CHD4: variants seen among roughly 807,000 people sequenced by gnomAD.
CHD4 encodes ATP-dependent chromatin remodeler CHD4.
A neutral mutation model predicts 235.5 loss-of-function variants in CHD4; 35 were observed. That is an observed-to-expected ratio of 0.15 (90% confidence interval 0.11 to 0.20). The LOEUF is 0.20. Among genes scored for constraint, CHD4 ranks in the 10% least tolerant of loss-of-function variants. CHD4 has a pLI of 1.00. For synonymous variants in CHD4, 900 were observed against 850.2 expected (o/e 1.06, Z -1.02); for missense variants, 1,329 against 2,432.3 (o/e 0.55, Z 9.54).
intron 6 of CHD4, 46 bp from the exon 7 acceptor site, chr12:6,601,099 G>C: frequency 1.3e-6 from 2 of 1,526,518 alleles, no homozygotes; most frequent in South Asian, 1.3e-5. Context: ...ACCAAAGATG[G>C]GGAAAATAAA....
chr12:6,599,459 A>G (rs1365078820), intron 10 of CHD4, among the ~76,000 whole-genome samples: 1 of 152,130 alleles, frequency 6.6e-6, no homozygotes, highest in Non-Finnish European at 1.5e-5. Context: ...AAATTTTTTT[A>G]ACAAAAAAAT....
At chr12:6,594,319 CAT>C in intron 15 of CHD4, 138 bp downstream of exon 15, 1 of 673,762 alleles carries the variant, frequency 1.5e-6, no homozygotes, top group South Asian at 2.0e-5. Flanking sequence ...CACATGTGTA[CAT>C]GTGTTTATCT....
At chr12:6,600,863 A>G in intron 7 of CHD4, 63 bp downstream of exon 7, 1 of 1,528,026 alleles carries the variant, frequency 6.5e-7, no homozygotes, top group Non-Finnish European at 8.8e-7. Context: ...AGGTTCTGAT[A>G]GAAGGTCACA....
rs756524248 is a variant in CHD4, at chr12:6,588,288, C to G, written c.3465+10G>C. On this transcript the variant is annotated intron_variant, in intron 23 of 39. Coordinates refer to ENST00000544040, the MANE Select transcript of CHD4 (RefSeq NM_001273.5). ...GTTACTTATTAAGGCTGCCTGCTGC[C>G]TCTGCTCACCTGAATGTCATTATGG... The G allele has an allele frequency of 6.2e-7, 1 of 1,612,824 alleles. No individual in the cohort carries two copies. The highest frequency in any genetic ancestry group is 1.1e-5 in the South Asian group (1 of 91,038).
intron 17 of CHD4, 59 bp from the exon 18 acceptor site, chr12:6,592,876 T>C (rs1592274415): frequency 1.3e-6 from 2 of 1,565,808 alleles, no homozygotes; most frequent in East Asian, 2.3e-5. Flanking sequence ...AGCAAATCTC[T>C]ACAAAATTTC....
At chr12:6,576,050 T>TA (rs1385836148) in intron 37 of CHD4, among the ~76,000 whole-genome samples, 2 of 141,660 alleles carry the variant, frequency 1.4e-5, no homozygotes, top group East Asian at 4.0e-4. Context: ...TCTCGAGAAC[T>TA]TTTTTTTTTT....
At chr12:6,586,290 A>G (rs185599179) in intron 25 of CHD4, among the ~76,000 whole-genome samples, 4 of 151,670 alleles carry the variant, frequency 2.6e-5, no homozygotes, top group African/African-American at 9.7e-5. Context: ...GTCCCCAGCT[A>G]CTCGGGAGGC....
intron 12 of CHD4, among the ~76,000 whole-genome samples, chr12:6,597,523 G>A (rs1014446434): frequency 4.6e-5 from 7 of 152,096 alleles, no homozygotes; most frequent in Non-Finnish European, 1.0e-4. Context: ...TAGCACTTAG[G>A]GAGGCCAAGG....
intron 25 of CHD4, 188 bp downstream of exon 25, chr12:6,587,196 A>T: frequency 1.7e-6 from 1 of 605,256 alleles, no homozygotes; most frequent in Non-Finnish European, 2.8e-6. Context: ...AAGTTTTCTG[A>T]CAACCAAGGC....
intron 33 of CHD4, 112 bp from the exon 34 acceptor site, chr12:6,579,029 T>A (rs1196261812): frequency 5.0e-6 from 5 of 1,006,448 alleles, no homozygotes; most frequent in Non-Finnish European, 7.6e-6. Context: ...ATTACAGTAA[T>A]GTCAGCTGGG....
At chr12:6,595,569 C>A in intron 13 of CHD4, 139 bp from the exon 14 acceptor site, 2 of 650,216 alleles carry the variant, frequency 3.1e-6, no homozygotes, top group Non-Finnish European at 5.3e-6. Context: ...GGGCGGATCA[C>A]CTGAGGTCAG....
chr12:6,593,467 G>A lies in CHD4; in HGVS notation c.2463C>T (p.Phe821=), dbSNP rs745855056. 5 of 1,614,156 alleles carry A rather than the reference G, an allele frequency of 3.1e-6. No homozygotes were observed. The highest frequency in any genetic ancestry group is 4.2e-6 in the Non-Finnish European group (5 of 1,180,040). ...DSRAIIRENE[F]SFEDNAIRGG... ...CACGAATGGCATTGTCTTCAAAGGA[G>A]AACTCATTCTCTCGGATGATGGCAC... The change falls in exon 16 of 40, where the codon TTC becomes TTT. Residue 821 remains phenylalanine, a synonymous_variant. Transcript: ENST00000544040. The surrounding 1 kb of genome is among the most constrained non-coding windows in gnomAD (Gnocchi z 4.9).
chr12:6,606,299 G>A lies in CHD4; in HGVS notation c.75C>T (p.Asn25=). The change falls in exon 2 of 40, where the codon AAC becomes AAT. Residue 25 remains asparagine (N), a synonymous_variant. Coordinates refer to ENST00000544040, the MANE Select transcript of CHD4 (RefSeq NM_001273.5). ...SEEEDMDALL[N]NSLPPPHPEN... ...CTGGGTGGGGTGGGGGCAGGCTGTT[G>A]TTCAAAAGTGCATCCATATCCTCCT... The A allele has an allele frequency of 3.8e-6, 6 of 1,585,998 alleles. No individual in the cohort carries two copies. The highest frequency in any genetic ancestry group is 3.4e-6 in the Non-Finnish European group (4 of 1,167,756).
At chr12:6,603,683 G>A (rs1442200652) in intron 2 of CHD4, among the ~76,000 whole-genome samples, 2 of 152,102 alleles carry the variant, frequency 1.3e-5, no homozygotes, top group African/African-American at 2.4e-5. Flanking sequence ...CCTAAGCAAG[G>A]AAACCCAAGG....
chr12:6,573,355 G>T, intron 37 of CHD4, 86 bp from the exon 38 acceptor site: 2 of 1,110,314 alleles, frequency 1.8e-6, no homozygotes, highest in Non-Finnish European at 2.5e-6. Context: ...ACCTCTCATT[G>T]TTTCAGATGG....
At chr12:6,587,980 T>G (rs570125852) in intron 23 of CHD4, 31 bp from the exon 24 acceptor site, 1 of 1,595,934 alleles carries the variant, frequency 6.3e-7, no homozygotes, top group East Asian at 2.2e-5. Flanking sequence ...AAGCCAGAAA[T>G]TGTATTTTCC....
chr12:6,600,016 C>A lies in CHD4; in HGVS notation c.1243-4G>T, dbSNP rs764000588. The stretch of plus-strand genomic sequence containing the variant: ...CCCACTGGATGCCTTCCTTCTCCTG[C>A]AGTAAAGGACCACAGATTCAGATTA... On this transcript the variant is annotated splice_polypyrimidine_tract_variant and splice_region_variant and intron_variant, in intron 9 of 39. Transcript: ENST00000544040. 3 of 1,613,856 alleles carry A rather than the reference C, an allele frequency of 1.9e-6. No individual in the cohort carries two copies. The highest frequency in any genetic ancestry group is 2.2e-5 in the East Asian group (1 of 44,904).
chr12:6,596,067 C>A lies in CHD4; in HGVS notation c.1963G>T (p.Glu655Ter). ...RDLPYDQASW[E>*]SEDVEIQDYD... ...TCCTGGATCTCCACATCCTCACTCTCCCAAGAAGCCTGATCGTAAGGTAAG... is the reference window on the plus strand; with the variant it reads ...TCCTGGATCTCCACATCCTCACTCTACCAAGAAGCCTGATCGTAAGGTAAG... Residue 655 changes from glutamate to a stop codon, truncating the protein, a stop_gained, in exon 13 of 40, where the codon GAG (glutamate) becomes TAG (stop). Transcript: ENST00000544040. LOFTEE classifies it high-confidence loss of function. 1 of 1,614,112 alleles carries A rather than the reference C, an allele frequency of 6.2e-7. No individual in the cohort carries two copies. The highest frequency in any genetic ancestry group is 8.5e-7 in the Non-Finnish European group (1 of 1,180,008).
rs557191097 is a variant in CHD4, at chr12:6,606,493, G to C, written c.-78-42C>G. On this transcript the variant is annotated intron_variant, in intron 1 of 39. Coordinates refer to ENST00000544040, the MANE Select transcript of CHD4 (RefSeq NM_001273.5). Reference sequence around the variant, plus strand: ...GGAGAAACACAGAACAGTCAGTGACGCGCACTGTCCCCCTCCCCCACACCC... The same window carrying C: ...GGAGAAACACAGAACAGTCAGTGACCCGCACTGTCCCCCTCCCCCACACCC... The C allele has an allele frequency of 2.3e-5, 13 of 562,156 alleles. No homozygotes were observed. The East Asian group carries it at 3.8e-4, about 17-fold the overall frequency. 34.8% of individuals were successfully genotyped at this position (562,156 alleles called of 1,614,324 possible).
Sources: allele counts gnomAD v4.1 joint callset (sites outside exome capture counted in the v4.1 genomes callset), GRCh38; gene constraint gnomAD v4.1.1; non-coding constraint Gnocchi (gnomAD v3.1); transcripts MANE v1.5; gene names NCBI Gene and HGNC (gene_info 2026-07-23, HGNC 2026-07-21).